PABPN1L: variants seen among roughly 807,000 people sequenced by gnomAD.
PABPN1L encodes embryonic polyadenylate-binding protein 2.
PABPN1L carries 45 observed loss-of-function variants against 34.0 expected under a neutral mutation model. The observed-to-expected ratio is 1.32, with a 90% CI of 1.04 to 1.70. PABPN1L has a LOEUF of 1.70. Ranked by LOEUF, PABPN1L falls within the 40% of genes most tolerant of loss-of-function variation. PABPN1L has a pLI of 0.00. For missense variants in PABPN1L, 459 were observed against 367.8 expected (o/e 1.25, Z -2.03); for synonymous variants, 182 against 152.1 (o/e 1.20, Z -1.45).
In PABPN1L at chr16:88,865,546, C is replaced by G; in HGVS notation, c.459+17G>C. 1 of 1,608,760 alleles carries G rather than the reference C, an allele frequency of 6.2e-7. No individual in the cohort carries two copies. Among genetic ancestry groups the G allele is most frequent in the Non-Finnish European group, 8.5e-7 (1 of 1,178,452 alleles). On this transcript the variant is annotated intron_variant, in intron 3 of 6. Transcript: ENST00000419291. ...GCCCCATTCGCTGCCTGCCCCTTCACCCCGCCCACCACTCACGTTGCCCAC... is the reference window on the plus strand; with the variant it reads ...GCCCCATTCGCTGCCTGCCCCTTCAGCCCGCCCACCACTCACGTTGCCCAC...
In PABPN1L at chr16:88,864,326, G is replaced by GC. The variant is rs773683015; in HGVS notation, c.707dup (p.Leu237ProfsTer98). 2.5e-5 allele frequency: 39 copies of GC among 1,555,408 alleles called. No individual in the cohort carries two copies. The highest frequency in any genetic ancestry group is 3.3e-4 in the Middle Eastern group (2 of 5,984). The stretch of plus-strand genomic sequence containing the variant: ...CCCTGGAGCCTGGGTGTCCTCGAAG[G>GC]CCCCCGCGGTCTGTGGAGCTGATCC... On this transcript the variant is annotated frameshift_variant, in exon 6 of 7. Coordinates refer to ENST00000419291, the Ensembl canonical transcript of PABPN1L. LOFTEE classifies it high-confidence loss of function.
chr16:88,865,892 C>T, exon 2 of PABPN1L: 1 of 1,609,578 alleles, frequency 6.2e-7, no homozygotes, highest in South Asian at 1.1e-5. Context: ...CCGTGGCGTC[C>T]CCTCGGCCTG....
At chr16:88,867,598 G>A (rs1181614401), upstream of PABPN1L, among the ~76,000 whole-genome samples, 1 of 151,784 alleles carries the variant, frequency 6.6e-6, no homozygotes, top group African/African-American at 2.4e-5. Context: ...CGGGGGCTCC[G>A]TGGGGAGTGA....
At chr16:88,864,467 G>C (rs1968535033) in intron 5 of PABPN1L, 88 bp from the exon 6 acceptor site, 1 of 1,468,686 alleles carries the variant, frequency 6.8e-7, no homozygotes, top group South Asian at 1.4e-5. Context: ...CCCGGAGCAT[G>C]GGGTCCTGCC....
chr16:88,866,534 G>T, exon 1 of PABPN1L: 7 of 1,551,322 alleles, frequency 4.5e-6, no homozygotes, highest in Non-Finnish European at 6.1e-6. Flanking sequence ...TGGGCCTCAG[G>T]GTCTGAGGAG....
chr16:88,863,842 G>C, intron 6 of PABPN1L, 47 bp from the exon 7 acceptor site: 1 of 1,517,426 alleles, frequency 6.6e-7, no homozygotes, highest in Non-Finnish European at 8.8e-7. Flanking sequence ...AGAGGAGAAG[G>C]GGTGGTGGCC....
intron 1 of PABPN1L, among the ~76,000 whole-genome samples, chr16:88,866,146 T>C (rs1305931282): frequency 1.3e-5 from 2 of 152,130 alleles, no homozygotes; most frequent in African/African-American, 2.4e-5. Context: ...CAAGGGCCCT[T>C]CCCCAGGCGA....
At chr16:88,866,400 C>T in exon 1 of PABPN1L, 1 of 1,551,184 alleles carries the variant, frequency 6.4e-7, no homozygotes, top group Non-Finnish European at 8.7e-7. Flanking sequence ...CCAGCAGAGA[C>T]AGCAGAAAGC....
chr16:88,868,162 G>C (rs1968637631), upstream of PABPN1L, among the ~76,000 whole-genome samples: 3 of 152,222 alleles, frequency 2.0e-5, no homozygotes, highest in Admixed American at 2.0e-4. Flanking sequence ...CCTGCACCCA[G>C]TCTGTTCTCA....
At chr16:88,866,641 G>T (rs993490761), upstream of PABPN1L, 6 of 1,505,422 alleles carry the variant, frequency 4.0e-6, 1 homozygote, top group Non-Finnish European at 5.3e-6. Context: ...GCCAGGCGAG[G>T]CCTCCCCTCC....
exon 7 of PABPN1L, chr16:88,863,475 C>A (rs962384745): frequency 3.6e-6 from 2 of 561,906 alleles, no homozygotes; most frequent in African/African-American, 1.9e-5. Flanking sequence ...CTCTGCTCCT[C>A]CCCTCCCTCA....
rs761606212 is a variant in PABPN1L, at chr16:88,866,568, CG to C, written c.38del (p.Pro13ArgfsTer80). On this transcript the variant is annotated frameshift_variant, in exon 1 of 7. Coordinates refer to ENST00000419291, the Ensembl canonical transcript of PABPN1L. LOFTEE classifies it high-confidence loss of function. The stretch of plus-strand genomic sequence containing the variant: ...AGACCGTCTGGAGCCAGGCCTGAGT[CG>C]GGGGTGGGAAGAGAGAGCGGCTCGG... 1.9e-6 allele frequency: 3 copies of C among 1,553,556 alleles called. No individual in the cohort carries two copies. The highest frequency in any genetic ancestry group is 1.9e-5 in the Admixed American group (1 of 51,320).
chr16:88,863,661 C>T (rs2143019103), exon 7 of PABPN1L: 1 of 1,455,192 alleles, frequency 6.9e-7, no homozygotes, highest in Non-Finnish European at 9.3e-7. Context: ...CTGGCCTCGC[C>T]CCCGCGCCAC....
chr16:88,867,365 T>G (rs1000756839), upstream of PABPN1L, among the ~76,000 whole-genome samples: 10 of 152,076 alleles, frequency 6.6e-5, no homozygotes, highest in Admixed American at 6.6e-4. Context: ...GTAGCTGGGA[T>G]TACAGGCACC....
chr16:88,864,907 G>T, exon 5 of PABPN1L: 4 of 1,552,360 alleles, frequency 2.6e-6, no homozygotes, highest in Non-Finnish European at 3.5e-6. Flanking sequence ...CGGCCTGCAC[G>T]GAGCCCTTGG....
chr16:88,866,569 G>A (rs975358917), exon 1 of PABPN1L: 13 of 1,553,648 alleles, frequency 8.4e-6, no homozygotes, highest in Middle Eastern at 1.7e-4. Context: ...GGCCTGAGTC[G>A]GGGGTGGGAA....
rs753704101 is a variant in PABPN1L at position 88,864,954 on chromosome 16, C to CAGGGA, written c.567-19_567-15dup. 29 of 996,898 alleles carry CAGGGA rather than the reference C, an allele frequency of 2.9e-5. No homozygotes were observed. The highest frequency in any genetic ancestry group is 1.4e-6 in the Non-Finnish European group (1 of 696,012). The allele number at this position is 996,898 out of a possible 1,614,324, so 61.8% of individuals were successfully genotyped here. On this transcript the variant is annotated splice_polypyrimidine_tract_variant and intron_variant, in intron 4 of 6. Transcript: ENST00000419291. The stretch of plus-strand genomic sequence containing the variant: ...ATGTAGGCATAACTGAGGGGAGGGG[C>CAGGGA]AGGGAGGGGAGGGGTGAGGCTGGGC...
intron 6 of PABPN1L, 95 bp downstream of exon 6, chr16:88,864,141 AG>A (rs1968520798): frequency 9.2e-6 from 13 of 1,412,454 alleles, no homozygotes; most frequent in African/African-American, 1.4e-5. Flanking sequence ...ACATTCCTGC[AG>A]CCCCATGAGG....
chr16:88,864,292 A>C (rs765635643), exon 6 of PABPN1L: 1 of 1,554,224 alleles, frequency 6.4e-7, no homozygotes, highest in Non-Finnish European at 8.7e-7. Context: ...CTGTGGGGGA[A>C]GGGTGCCCCC....
Sources: gnomAD v4.1 joint callset for allele counts (sites outside exome capture counted in the v4.1 genomes callset) on GRCh38, gnomAD v4.1.1 for gene constraint, MANE v1.5 for transcripts, NCBI Gene and HGNC (gene_info 2026-07-23, HGNC 2026-07-21) for gene names.